Variants in PUM1 observed in about 807,000 individuals in gnomAD.
PUM1 encodes pumilio RNA binding family member 1.
In PUM1, 13 loss-of-function variants were observed where a neutral mutation model predicts 131.8. That is an observed-to-expected ratio of 0.10 (90% CI 0.06 to 0.16). PUM1 has a LOEUF of 0.16. PUM1 is among the 10% of genes least tolerant of loss of function. The pLI is 1.00. For missense variants in PUM1, 961 were observed against 1,512.4 expected, an observed-to-expected ratio of 0.64 and a Z score of 6.05; for synonymous variants, 509 against 556.5, an observed-to-expected ratio of 0.91 and a Z score of 1.20.
chr1:31,062,956 A>G (rs1644401807), intron 1 of PUM1, among the ~76,000 whole-genome samples: 1 of 152,232 alleles, frequency 6.6e-6, no homozygotes, highest in South Asian at 2.1e-4. Flanking sequence ...ATTCCAATCC[A>G]TCAGAACCTT....
chr1:30,984,552 C>T (rs1304205688), intron 7 of PUM1, among the ~76,000 whole-genome samples: 2 of 152,176 alleles, frequency 1.3e-5, no homozygotes, highest in African/African-American at 2.4e-5. Flanking sequence ...GGGTAGATTT[C>T]ACAAGTTGTT....
At position 30,988,009 on chromosome 1, in the gene PUM1, T is replaced by C. The variant is rs1046662181; in HGVS notation, c.1158+4381A>G. Among the ~76,000 whole-genome samples, 7 of 152,222 alleles carry C rather than the reference T, an allele frequency of 4.6e-5. 1 individual carries two copies. The East Asian group carries it at 1.2e-3, about 25-fold the overall frequency. On this transcript the variant is annotated intron_variant, in intron 7 of 21. Coordinates refer to ENST00000426105, the MANE Select transcript of PUM1 (RefSeq NM_001020658.2). ...GCATCATATCATAAATAAGTAAATA[T>C]ATAATTAACTTTGTTTTTAAATATG...
At chr1:31,051,841 A>G (rs1644116956) in intron 2 of PUM1, among the ~76,000 whole-genome samples, 1 of 152,066 alleles carries the variant, frequency 6.6e-6, no homozygotes, top group South Asian at 2.1e-4. Flanking sequence ...GCCCTATTTC[A>G]TCAACCAGTT....
intron 21 of PUM1, among the ~76,000 whole-genome samples, chr1:30,935,504 T>C (rs889056486): frequency 1.3e-5 from 2 of 152,206 alleles, no homozygotes; most frequent in Non-Finnish European, 2.9e-5. Context: ...TAGCACTGAA[T>C]GAATGAATGA....
chr1:30,946,292 C>T (rs1639666293), intron 17 of PUM1, among the ~76,000 whole-genome samples: 1 of 151,264 alleles, frequency 6.6e-6, no homozygotes. Context: ...AGAGCATTTA[C>T]AGTACCCTAG....
intron 9 of PUM1, among the ~76,000 whole-genome samples, chr1:30,976,499 C>T (rs748836931): frequency 6.6e-6 from 1 of 152,212 alleles, no homozygotes; most frequent in African/African-American, 2.4e-5. Flanking sequence ...TGGAGAAACA[C>T]ATAATTCATT....
At chr1:31,028,486 T>C (rs1285861316) in intron 3 of PUM1, among the ~76,000 whole-genome samples, 1 of 152,218 alleles carries the variant, frequency 6.6e-6, no homozygotes, top group Non-Finnish European at 1.5e-5. Flanking sequence ...TTTTATTTAA[T>C]GCATATAAAA....
intron 14 of PUM1, among the ~76,000 whole-genome samples, chr1:30,955,800 CAA>C (rs1640140220): frequency 6.6e-6 from 1 of 152,124 alleles, no homozygotes; most frequent in Admixed American, 6.5e-5. Flanking sequence ...GGCCCAGCTT[CAA>C]AAGTCTGGGT....
chr1:31,053,183 T>A (rs1267086055), intron 2 of PUM1, among the ~76,000 whole-genome samples: 1 of 150,680 alleles, frequency 6.6e-6, no homozygotes, highest in African/African-American at 2.4e-5. Context: ...ATTTTTGTAT[T>A]TTTAGTAGAG....
intron 2 of PUM1, among the ~76,000 whole-genome samples, chr1:31,057,246 A>T (rs1644261293): frequency 6.6e-6 from 1 of 151,986 alleles, no homozygotes; most frequent in South Asian, 2.1e-4. Context: ...TCTACAAAAA[A>T]TACAAAAGTA....
At chr1:30,950,860 C>CA (rs879600382) in intron 16 of PUM1, among the ~76,000 whole-genome samples, 18 of 151,602 alleles carry the variant, frequency 1.2e-4, no homozygotes, top group African/African-American at 3.4e-4. Flanking sequence ...GACTGTGTGT[C>CA]AAAAAAAAGA....
chr1:31,005,718 T>C, intron 5 of PUM1, 135 bp downstream of exon 5: 1 of 846,564 alleles, frequency 1.2e-6, no homozygotes, highest in Non-Finnish European at 1.8e-6. Context: ...AAACGTTGTT[T>C]GAAAATACCC....
At chr1:31,000,920 C>T (rs978708884) in intron 5 of PUM1, among the ~76,000 whole-genome samples, 4 of 152,192 alleles carry the variant, frequency 2.6e-5, no homozygotes, top group African/African-American at 9.7e-5. Context: ...GGCACAGTGG[C>T]TCACGCCTGT....
Position 31,023,501 on chromosome 1 carries a change from A to G in PUM1, c.432+5295T>C, listed in dbSNP as rs374021296. 2.2e-4 allele frequency among the ~76,000 whole-genome samples: 33 copies of G among 152,278 alleles called. 1 individual carries two copies. The East Asian group carries it at 5.0e-3, about 23-fold the overall frequency. ...GTTTGCCATAATAGAAAGATGTGGG[A>G]AAAAAATTTAACAGATTTAGTCTCC... is the stretch of plus-strand genomic sequence containing the variant. On this transcript the variant is annotated intron_variant, in intron 3 of 21. Coordinates refer to ENST00000426105, the MANE Select transcript of PUM1 (RefSeq NM_001020658.2).
intron 14 of PUM1, among the ~76,000 whole-genome samples, chr1:30,957,527 C>A (rs959545989): frequency 4.6e-5 from 7 of 152,192 alleles, no homozygotes; most frequent in African/African-American, 1.4e-4. Context: ...TCTCATAAGG[C>A]TTCAAAGGGA....
intron 7 of PUM1, among the ~76,000 whole-genome samples, chr1:30,986,434 C>A (rs1641560743): frequency 6.6e-6 from 1 of 152,068 alleles, no homozygotes; most frequent in Admixed American, 6.6e-5. Flanking sequence ...CTTGTTACTG[C>A]TTGAAGCTTC....
intron 14 of PUM1, among the ~76,000 whole-genome samples, chr1:30,963,046 G>C (rs1047019404): frequency 3.3e-5 from 5 of 152,174 alleles, no homozygotes; most frequent in Admixed American, 2.0e-4. Context: ...TGCATGCTTT[G>C]GAGTCGAAAA....
chr1:31,064,822 C>A (rs1217251497), intron 1 of PUM1, among the ~76,000 whole-genome samples: 1 of 120,292 alleles, frequency 8.3e-6, no homozygotes, highest in African/African-American at 3.2e-5. Context: ...CCTCACTTGA[C>A]GTGGGAATGG....
chr1:30,958,817 A>G (rs991927450), intron 14 of PUM1, among the ~76,000 whole-genome samples: 1 of 152,226 alleles, frequency 6.6e-6, no homozygotes, highest in East Asian at 1.9e-4. Context: ...AACTATGATT[A>G]ATAATACTGT....
Sources: gnomAD v4.1 joint callset for allele counts (sites outside exome capture counted in the v4.1 genomes callset) on GRCh38, gnomAD v4.1.1 for gene constraint, MANE v1.5 for transcripts, NCBI Gene and HGNC (gene_info 2026-07-23, HGNC 2026-07-21) for gene names.